The following SLC25A12 variants were observed in gnomAD, a reference collection of about 807,000 sequenced individuals.
The protein encoded by SLC25A12 is solute carrier family 25 member 12.
Under a neutral mutation model 83.3 loss-of-function variants are expected in SLC25A12, and 32 were observed. The observed-to-expected ratio is 0.38, with a 90% confidence interval of 0.29 to 0.52. SLC25A12 has a LOEUF of 0.52. Among genes scored for constraint, SLC25A12 ranks in the 20% least tolerant of loss-of-function variants. SLC25A12 has a pLI of 0.84. For missense variants in SLC25A12, 611 were observed against 835.6 expected (o/e 0.73, Z 3.31); for synonymous variants, 267 against 291.1 (o/e 0.92, Z 0.84).
intron 2 of SLC25A12, among the ~76,000 whole-genome samples, chr2:171,885,585 T>C (rs1370943060): frequency 6.6e-6 from 1 of 152,038 alleles, no homozygotes; most frequent in Non-Finnish European, 1.5e-5. Flanking sequence ...GGCATGAGAA[T>C]TGCTTGAACC....
intron 13 of SLC25A12, among the ~76,000 whole-genome samples, chr2:171,802,354 A>C (rs1183865396): frequency 6.6e-6 from 1 of 152,202 alleles, no homozygotes; most frequent in Non-Finnish European, 1.5e-5. Context: ...ACTACAAACA[A>C]ATAAACAAAA....
chr2:171,862,793 A>G (rs1685191532), intron 3 of SLC25A12, among the ~76,000 whole-genome samples: 1 of 152,236 alleles, frequency 6.6e-6, no homozygotes, highest in Non-Finnish European at 1.5e-5. Context: ...AGAACCAAGG[A>G]ACACATTTTG....
At chr2:171,851,978 A>T (rs1014156825) in intron 4 of SLC25A12, among the ~76,000 whole-genome samples, 24 of 152,198 alleles carry the variant, frequency 1.6e-4, no homozygotes, top group African/African-American at 5.1e-4. Flanking sequence ...AGGCAAACTT[A>T]CACTGTAGCT....
rs181753802 is a variant in SLC25A12 at position 171,830,520 on chromosome 2, T to A, written c.845+3443A>T. On this transcript the variant is annotated intron_variant, in intron 8 of 17. Coordinates refer to ENST00000422440, the MANE Select transcript of SLC25A12 (RefSeq NM_003705.5). ...CCTTTGTTTACAGGTTGCTTTATAT[T>A]TTTTTTTTCTTGAAATGGAATCTCA... 5.6e-4 allele frequency among the ~76,000 whole-genome samples: 85 copies of A among 151,754 alleles called. 1 individual carries two copies. The highest frequency in any genetic ancestry group is 2.0e-3 in the African/African-American group (82 of 41,400).
intron 2 of SLC25A12, chr2:171,871,688 T>G: frequency 1.0e-6 from 1 of 982,722 alleles, no homozygotes; most frequent in Non-Finnish European, 1.2e-6. Context: ...TCTCCTCCAC[T>G]CACCTTCCAT....
At chr2:171,834,932 A>G in intron 6 of SLC25A12, 67 bp from the exon 7 acceptor site, 1 of 1,527,488 alleles carries the variant, frequency 6.5e-7, no homozygotes, top group Non-Finnish European at 8.9e-7. Flanking sequence ...TGGACACTGT[A>G]CTTTTCTCAA....
intron 2 of SLC25A12, among the ~76,000 whole-genome samples, chr2:171,885,671 C>CAATAAATA (rs67489934): frequency 1.4e-4 from 21 of 149,480 alleles, no homozygotes; most frequent in African/African-American, 4.0e-4. Context: ...AACTCTGTCT[C>CAATAAATA]AATAAATAAA....
intron 13 of SLC25A12, among the ~76,000 whole-genome samples, chr2:171,794,102 T>G (rs1683548373): frequency 6.6e-6 from 1 of 152,210 alleles, no homozygotes. Context: ...GAGCCAGATG[T>G]GGCAGCAAGG....
intron 3 of SLC25A12, among the ~76,000 whole-genome samples, chr2:171,859,779 G>C (rs1316063700): frequency 6.8e-6 from 1 of 146,430 alleles, no homozygotes; most frequent in South Asian, 2.2e-4. Flanking sequence ...TTTTTTTTTT[G>C]AGACGGAGTT....
In SLC25A12 at chr2:171,810,245, T is replaced by C; in HGVS notation, c.1203A>G (p.Pro401=). 1 of 1,613,646 alleles carries C rather than the reference T, an allele frequency of 6.2e-7. No homozygotes were observed. Among genetic ancestry groups the C allele is most frequent in the South Asian group, 1.1e-5 (1 of 91,070 alleles). The stretch of plus-strand genomic sequence containing the variant: ...TTACAGTCAGTTTAATGGCCTTTTC[T>C]GGAGCAACCCCTATAAGTTGTGGTA... ...GLIPQLIGVA[P]EKAIKLTVND... Residue 401 remains proline (P), a synonymous_variant, in exon 12 of 18, where the codon CCA becomes CCG. Coordinates refer to ENST00000422440, the MANE Select transcript of SLC25A12 (RefSeq NM_003705.5).
intron 15 of SLC25A12, among the ~76,000 whole-genome samples, chr2:171,790,966 G>A (rs946833714): frequency 6.6e-6 from 1 of 152,106 alleles, no homozygotes; most frequent in African/African-American, 2.4e-5. Context: ...TCTAATGAGG[G>A]CAATGGTAGG....
chr2:171,845,335 G>C (rs1201310482), intron 4 of SLC25A12, among the ~76,000 whole-genome samples: 1 of 151,670 alleles, frequency 6.6e-6, no homozygotes, highest in Non-Finnish European at 1.5e-5. Context: ...CAAATGACTG[G>C]TACTTTAACA....
intron 4 of SLC25A12, among the ~76,000 whole-genome samples, chr2:171,849,705 G>A (rs1039469709): frequency 7.9e-5 from 12 of 151,350 alleles, no homozygotes; most frequent in African/African-American, 2.2e-4. Flanking sequence ...ACAGGCATCC[G>A]CCACCATGCC....
chr2:171,820,287 C>T (rs1461473726), intron 9 of SLC25A12, among the ~76,000 whole-genome samples: 1 of 152,022 alleles, frequency 6.6e-6, no homozygotes, highest in African/African-American at 2.4e-5. Context: ...GCTTATATTC[C>T]ATAGTTTTTT....
intron 4 of SLC25A12, among the ~76,000 whole-genome samples, chr2:171,851,067 G>C (rs1053477082): frequency 6.6e-6 from 1 of 152,212 alleles, no homozygotes; most frequent in African/African-American, 2.4e-5. Context: ...ACTTTGAAGA[G>C]TGTCCATTCC....
chr2:171,845,868 G>A (rs951581615), intron 4 of SLC25A12: 31 of 453,208 alleles, frequency 6.8e-5, no homozygotes, highest in Non-Finnish European at 1.3e-4. Flanking sequence ...CCTAAGTAGG[G>A]ACAAATACTT....
At chr2:171,840,431 AAAAT>A (rs970218922) in intron 5 of SLC25A12, among the ~76,000 whole-genome samples, 10 of 151,916 alleles carry the variant, frequency 6.6e-5, no homozygotes, top group Admixed American at 5.2e-4. Flanking sequence ...ACAAAGAGTA[AAAAT>A]AAATAAATAA....
At chr2:171,887,939 A>C (rs1002735910) in intron 2 of SLC25A12, among the ~76,000 whole-genome samples, 2 of 152,206 alleles carry the variant, frequency 1.3e-5, no homozygotes, top group Non-Finnish European at 2.9e-5. Flanking sequence ...GAAGCAATGA[A>C]CACCACAGGA....
At chr2:171,806,846 G>A (rs1253338518) in intron 13 of SLC25A12, among the ~76,000 whole-genome samples, 2 of 152,146 alleles carry the variant, frequency 1.3e-5, no homozygotes, top group South Asian at 2.1e-4. Context: ...TAAGGACACC[G>A]TACATCGTAT....
Sources: allele counts gnomAD v4.1 joint callset (sites outside exome capture counted in the v4.1 genomes callset), GRCh38; gene constraint gnomAD v4.1.1; transcripts MANE v1.5; gene names NCBI Gene and HGNC (gene_info 2026-07-23, HGNC 2026-07-21).